The following STAG1 variants were observed in gnomAD, a reference collection of about 807,000 sequenced individuals.
STAG1 encodes STAG1 cohesin complex component.
STAG1 carries 26 observed loss-of-function variants against 170.9 expected under a neutral mutation model. That is an observed-to-expected ratio of 0.15 (90% CI 0.11 to 0.21). The LOEUF (loss-of-function observed/expected upper bound fraction) is 0.21, where lower values mean the gene tolerates loss of function less well. Among genes scored for constraint, STAG1 ranks in the 10% least tolerant of loss-of-function variants. The pLI is 1.00. For synonymous variants in STAG1, 514 were observed against 497.7 expected (o/e 1.03, Z -0.44); for missense variants, 964 against 1,509.5 (o/e 0.64, Z 5.99).
intron 4 of STAG1, among the ~76,000 whole-genome samples, chr3:136,572,727 T>C (rs967640352): frequency 6.6e-6 from 1 of 151,984 alleles, no homozygotes; most frequent in African/African-American, 2.4e-5. Context: ...ATATATAACT[T>C]CCACTATGAC....
At chr3:136,613,486 T>C (rs1939420657) in intron 3 of STAG1, among the ~76,000 whole-genome samples, 1 of 152,054 alleles carries the variant, frequency 6.6e-6, no homozygotes, top group African/African-American at 2.4e-5. Flanking sequence ...AGCCTTTAAA[T>C]AGTTAATAAT....
At chr3:136,750,554 C>G (rs1364191876) in intron 1 of STAG1, among the ~76,000 whole-genome samples, 10 of 152,290 alleles carry the variant, frequency 6.6e-5, no homozygotes, top group African/African-American at 2.4e-4. Flanking sequence ...ATTCCTTAGC[C>G]TTATCAGAAC....
At position 136,367,066 on chromosome 3, in the gene STAG1, A is replaced by G; in HGVS notation, c.2562T>C (p.Asp854=). 1 of 1,610,256 alleles carries G rather than the reference A, an allele frequency of 6.2e-7. No homozygotes were observed. Residue 854 remains aspartate, a synonymous_variant, in exon 25 of 34, where the codon GAT becomes GAC. Coordinates refer to ENST00000383202, the MANE Select transcript of STAG1 (RefSeq NM_005862.3). Reference sequence around the variant, plus strand: ...GTAAGGCCTCAATTTTATTAGCTTCATCTTCTTCATCACCCTCTAAACACA... The same window carrying G: ...GTAAGGCCTCAATTTTATTAGCTTCGTCTTCTTCATCACCCTCTAAACACA... ...ENQSMEGDEE[D]EANKIEALHK...
chr3:136,615,722 G>A (rs1390457577), intron 3 of STAG1, among the ~76,000 whole-genome samples: 1 of 150,168 alleles, frequency 6.7e-6, no homozygotes, highest in Non-Finnish European at 1.5e-5. Context: ...AGCTTGCAGT[G>A]AGCCAAGGTC....
At chr3:136,501,805 C>T (rs938901036) in intron 8 of STAG1, among the ~76,000 whole-genome samples, 1 of 151,962 alleles carries the variant, frequency 6.6e-6, no homozygotes, top group African/African-American at 2.4e-5. Context: ...ATGTGATATT[C>T]TTTTTTCAAG....
intron 22 of STAG1, among the ~76,000 whole-genome samples, chr3:136,392,765 CAAAAAAAAAA>C (rs71157377): frequency 1.1e-5 from 1 of 93,560 alleles, no homozygotes; most frequent in Non-Finnish European, 2.1e-5. Context: ...GGCTCCGTCT[CAAAAAAAAAA>C]AAAAAAAAAA....
chr3:136,444,653 T>C (rs1318735330), intron 14 of STAG1, among the ~76,000 whole-genome samples: 2 of 152,176 alleles, frequency 1.3e-5, no homozygotes, highest in Non-Finnish European at 1.5e-5. Flanking sequence ...ATAGAAAGGG[T>C]AAATACTATT....
intron 4 of STAG1, among the ~76,000 whole-genome samples, chr3:136,572,946 C>A (rs929239616): frequency 6.6e-6 from 1 of 152,166 alleles, no homozygotes; most frequent in Non-Finnish European, 1.5e-5. Flanking sequence ...GAGGCCAATG[C>A]GGAAGGACCA....
intron 5 of STAG1, among the ~76,000 whole-genome samples, chr3:136,546,024 C>T (rs1455729486): frequency 1.3e-5 from 2 of 152,100 alleles, no homozygotes; most frequent in African/African-American, 4.8e-5. Context: ...CCATCTACAC[C>T]AAGAACAGAA....
At chr3:136,746,704 T>A (rs1214302846) in intron 1 of STAG1, among the ~76,000 whole-genome samples, 1 of 152,148 alleles carries the variant, frequency 6.6e-6, no homozygotes, top group African/African-American at 2.4e-5. Flanking sequence ...AGTGGCTCAC[T>A]TTGGGAGGCC....
At chr3:136,672,749 T>C (rs927817806) in intron 1 of STAG1, among the ~76,000 whole-genome samples, 6 of 152,176 alleles carry the variant, frequency 3.9e-5, no homozygotes, top group Admixed American at 3.3e-4. Flanking sequence ...ATGCTAGTCA[T>C]ATGTGCCAGT....
chr3:136,485,530 G>T (rs932005746), intron 9 of STAG1, among the ~76,000 whole-genome samples: 2 of 152,096 alleles, frequency 1.3e-5, no homozygotes, highest in Non-Finnish European at 2.9e-5. Flanking sequence ...ACATGCGTGG[G>T]ACAAGAATAT....
intron 1 of STAG1, among the ~76,000 whole-genome samples, chr3:136,741,862 A>G (rs1934688711): frequency 6.6e-6 from 1 of 152,210 alleles, no homozygotes; most frequent in South Asian, 2.1e-4. Context: ...AGAAAAAGAT[A>G]TATTATGGAA....
chr3:136,436,565 GC>G (rs1385147991), intron 15 of STAG1, among the ~76,000 whole-genome samples: 1 of 152,170 alleles, frequency 6.6e-6, no homozygotes, highest in African/African-American at 2.4e-5. Context: ...ACAGGTGTGA[GC>G]CCCTGTGCCC....
At chr3:136,728,339 T>C (rs373533000) in intron 1 of STAG1, among the ~76,000 whole-genome samples, 53 of 152,296 alleles carry the variant, frequency 3.5e-4, no homozygotes, top group African/African-American at 1.0e-3. Context: ...TAATGTCTTG[T>C]TTCTGAAAGC....
chr3:136,539,791 C>G (rs779902224), intron 6 of STAG1, among the ~76,000 whole-genome samples: 4 of 152,110 alleles, frequency 2.6e-5, no homozygotes, highest in African/African-American at 7.2e-5. Context: ...AGATTATTAA[C>G]CAACATTGTA....
intron 22 of STAG1, among the ~76,000 whole-genome samples, chr3:136,392,103 A>G (rs1438525505): frequency 6.6e-6 from 1 of 152,220 alleles, no homozygotes; most frequent in Non-Finnish European, 1.5e-5. Flanking sequence ...GTACTCTTTA[A>G]AAAGCGATTT....
intron 4 of STAG1, among the ~76,000 whole-genome samples, chr3:136,586,599 T>A (rs939012431): frequency 5.3e-5 from 8 of 152,240 alleles, no homozygotes; most frequent in African/African-American, 1.9e-4. Flanking sequence ...TAGCTCTAAG[T>A]AACCTGAAGG....
At chr3:136,724,009 CCCCGTCCGGGAGGTGAGGGGCGCCTCTG>C (rs1403567282) in intron 1 of STAG1, among the ~76,000 whole-genome samples, 4 of 150,880 alleles carry the variant, frequency 2.7e-5, no homozygotes, top group African/African-American at 9.7e-5. Context: ...CAGCCAGCCG[CCCCGTCCGGGAGGTGAGGGGCGCCTCTG>C]CCCGGCCGCC....
Sources: gnomAD v4.1 joint callset for allele counts (sites outside exome capture counted in the v4.1 genomes callset) on GRCh38, gnomAD v4.1.1 for gene constraint, MANE v1.5 for transcripts, NCBI Gene and HGNC (gene_info 2026-07-23, HGNC 2026-07-21) for gene names.